ARMC9: variants seen among roughly 807,000 people sequenced by gnomAD.
ARMC9 encodes the protein armadillo repeat containing 9.
ARMC9 carries 94 observed loss-of-function variants against 107.0 expected under a neutral mutation model. The observed-to-expected ratio is 0.88, with a 90% confidence interval of 0.74 to 1.04. ARMC9 has a LOEUF of 1.04. Among genes scored for constraint, ARMC9 ranks in the 50% least tolerant of loss-of-function variants. The pLI is 0.00. For missense variants in ARMC9, 942 were observed against 1,030.1 expected (o/e 0.91, Z 1.17); for synonymous variants, 380 against 396.9 (o/e 0.96, Z 0.51).
At chr2:231,361,460 T>TAAAAAAAAA (rs567342793) in intron 23 of ARMC9, among the ~76,000 whole-genome samples, 1 of 87,642 alleles carries the variant, frequency 1.1e-5, no homozygotes, top group African/African-American at 4.3e-5. Flanking sequence ...ATCAAAAAAC[T>TAAAAAAAAA]AAAAAAAAAA....
intron 21 of ARMC9, among the ~76,000 whole-genome samples, chr2:231,348,759 A>T (rs966117318): frequency 1.3e-5 from 2 of 152,364 alleles, no homozygotes; most frequent in African/African-American, 2.4e-5. Context: ...AGTTGGATTT[A>T]AAAAATGGGC....
intron 19 of ARMC9, among the ~76,000 whole-genome samples, chr2:231,325,090 G>A (rs2043239723): frequency 6.6e-6 from 1 of 152,058 alleles, no homozygotes; most frequent in African/African-American, 2.4e-5. Context: ...CAGGCGTACT[G>A]GTACATGCCT....
intron 23 of ARMC9, among the ~76,000 whole-genome samples, chr2:231,364,827 C>T (rs1356960494): frequency 1.3e-5 from 2 of 152,120 alleles, no homozygotes; most frequent in Non-Finnish European, 2.9e-5. Flanking sequence ...AGAAAGTGGC[C>T]CTCGGCAGAG....
At chr2:231,207,622 C>T (rs1457312074) in intron 2 of ARMC9, among the ~76,000 whole-genome samples, 3 of 152,168 alleles carry the variant, frequency 2.0e-5, no homozygotes, top group African/African-American at 4.8e-5. Flanking sequence ...ACTACAGGCA[C>T]GCGCCACTGC....
At chr2:231,324,410 C>T (rs1005077126) in intron 19 of ARMC9, among the ~76,000 whole-genome samples, 4 of 149,020 alleles carry the variant, frequency 2.7e-5, no homozygotes, top group East Asian at 2.0e-4. Context: ...ATAGGCCACG[C>T]GGCCTATAAA....
chr2:231,248,549 C>G (rs1290701381), intron 9 of ARMC9, among the ~76,000 whole-genome samples: 1 of 152,078 alleles, frequency 6.6e-6, no homozygotes, highest in African/African-American at 2.4e-5. Context: ...GTGGCTTACA[C>G]GTGTAATCCC....
intron 1 of ARMC9, among the ~76,000 whole-genome samples, chr2:231,205,281 G>A (rs2031794395): frequency 6.6e-6 from 1 of 151,844 alleles, no homozygotes; most frequent in Admixed American, 6.6e-5. Context: ...GAGGAGGGAG[G>A]ATCCCTTGAA....
At chr2:231,345,148 G>T in intron 21 of ARMC9, 58 bp downstream of exon 21, 2 of 1,582,324 alleles carry the variant, frequency 1.3e-6, no homozygotes, top group Non-Finnish European at 1.7e-6. Flanking sequence ...TTTGATTACA[G>T]TGTAAGATGT....
At chr2:231,330,619 T>C (rs559191778) in intron 19 of ARMC9, among the ~76,000 whole-genome samples, 1 of 152,298 alleles carries the variant, frequency 6.6e-6, no homozygotes, top group African/African-American at 2.4e-5. Context: ...TTCTCTGGTA[T>C]AGAGAACCCA....
At chr2:231,267,102 C>T (rs796800274) in intron 12 of ARMC9, among the ~76,000 whole-genome samples, 56 of 152,316 alleles carry the variant, frequency 3.7e-4, no homozygotes, top group African/African-American at 1.3e-3. Context: ...TTAGACATAG[C>T]CTCCCTGAGC....
At chr2:231,322,923 C>T (rs945340752) in intron 19 of ARMC9, among the ~76,000 whole-genome samples, 3 of 152,168 alleles carry the variant, frequency 2.0e-5, no homozygotes, top group South Asian at 2.1e-4. Context: ...TATGTCGTTT[C>T]GTTTGGAATT....
intron 9 of ARMC9, chr2:231,256,072 G>A: frequency 5.2e-6 from 8 of 1,537,986 alleles, no homozygotes; most frequent in South Asian, 3.6e-5. Flanking sequence ...CCGCCTCTCC[G>A]CCAGACCGCC....
intron 20 of ARMC9, among the ~76,000 whole-genome samples, chr2:231,336,249 A>G (rs1310101414): frequency 6.6e-6 from 1 of 151,430 alleles, no homozygotes; most frequent in Non-Finnish European, 1.5e-5. Context: ...GACCTTTAAC[A>G]GTAATAGGCA....
intron 19 of ARMC9, among the ~76,000 whole-genome samples, chr2:231,304,196 C>T (rs892145818): frequency 6.6e-6 from 1 of 152,156 alleles, no homozygotes. Context: ...CGCCACTGCA[C>T]TCCAGCCTGG....
chr2:231,351,841 T>A (rs906941948), intron 21 of ARMC9, among the ~76,000 whole-genome samples: 3 of 152,168 alleles, frequency 2.0e-5, no homozygotes, highest in Non-Finnish European at 4.4e-5. Flanking sequence ...CAAAAAAAAA[T>A]TATGACCCTC....
chr2:231,233,410 T>C (rs1179374943), intron 7 of ARMC9, among the ~76,000 whole-genome samples: 1 of 152,138 alleles, frequency 6.6e-6, no homozygotes, highest in Non-Finnish European at 1.5e-5. Context: ...TCTTTATTTG[T>C]GGGTGATTCT....
chr2:231,203,238 C>T (rs2031370769), intron 1 of ARMC9, among the ~76,000 whole-genome samples: 2 of 152,160 alleles, frequency 1.3e-5, no homozygotes, highest in Admixed American at 6.5e-5. Context: ...ATAGCCAAAA[C>T]AGAGCTCTTG....
intron 19 of ARMC9, among the ~76,000 whole-genome samples, chr2:231,315,238 C>CAAA (rs561488611): frequency 9.5e-5 from 9 of 94,302 alleles, no homozygotes; most frequent in African/African-American, 3.3e-4. Context: ...GACTCTATCT[C>CAAA]AAAAAAAAAA....
chr2:231,253,615 G>A (rs797011864), intron 9 of ARMC9, among the ~76,000 whole-genome samples: 7 of 152,162 alleles, frequency 4.6e-5, no homozygotes, highest in Non-Finnish European at 7.3e-5. Context: ...AGGCATGTCC[G>A]CTGGGGACCT....
Sources: gnomAD v4.1 joint callset for allele counts (sites outside exome capture counted in the v4.1 genomes callset) on GRCh38, gnomAD v4.1.1 for gene constraint, MANE v1.5 for transcripts, NCBI Gene and HGNC (gene_info 2026-07-23, HGNC 2026-07-21) for gene names.